Variants in CDK13 observed in about 807,000 individuals in gnomAD.
The protein encoded by CDK13 is cyclin-dependent kinase 13.
In CDK13, 40 loss-of-function variants were observed where a neutral mutation model predicts 137.6. The observed-to-expected ratio is 0.29, with a 90% CI of 0.23 to 0.38. The LOEUF is 0.38. CDK13 is among the 10% of genes least tolerant of loss of function. CDK13 has a pLI of 1.00. For synonymous variants in CDK13, 869 were observed against 760.1 expected (o/e 1.14, Z -2.36); for missense variants, 1,704 against 1,951.8 (o/e 0.87, Z 2.39).
At position 40,098,953 on chromosome 7, in the gene CDK13, G is replaced by C. The variant is rs1787094246; in HGVS notation, c.*3973G>C. The C allele has an allele frequency of 6.6e-6, 1 of 151,908 alleles. No homozygotes were observed. The highest frequency in any genetic ancestry group is 2.1e-4 in the South Asian group (1 of 4,826). The allele number at this position is 151,908 out of a possible 1,614,324, so 9.4% of individuals were successfully genotyped here. On this transcript the variant is annotated 3_prime_UTR_variant, in exon 14 of 14. Coordinates refer to ENST00000181839, the MANE Select transcript of CDK13 (RefSeq NM_003718.5). ...GATAATCTTTGAAAAGGCAAGTCCT[G>C]TATGTATTTTTCATTTGTTGAAAGA...
At chr7:40,043,198 T>C (rs924284676) in intron 5 of CDK13, among the ~76,000 whole-genome samples, 2 of 152,242 alleles carry the variant, frequency 1.3e-5, no homozygotes, top group African/African-American at 4.8e-5. Context: ...ACTGTCCACC[T>C]CCTTGTGGGA....
chr7:39,950,820 T>A lies in CDK13; in HGVS notation c.179T>A (p.Phe60Tyr). The change falls in exon 1 of 14, where the codon TTC becomes TAC. Residue 60 changes from phenylalanine to tyrosine, a missense_variant. Phe to Tyr is a conservative substitution (Grantham distance 22). This residue lies in a region of CDK13 where 1,051 missense variants were observed against 931.0 expected (regional missense o/e 1.13). Transcript: ENST00000181839. Reference sequence around the variant, plus strand: ...CCGCCGCCCCCGCCGCCTCTGCTCTTCCTGGCTGCTCCCGGCACGGCCGCC... The same window carrying A: ...CCGCCGCCCCCGCCGCCTCTGCTCTACCTGGCTGCTCCCGGCACGGCCGCC... ...QPPPPPPPLL[F>Y]LAAPGTAAAA... The A allele has an allele frequency of 1.4e-6, 2 of 1,423,204 alleles. No individual in the cohort carries two copies. The highest frequency in any genetic ancestry group is 3.1e-5 in the Admixed American group (1 of 31,832). The allele number at this position is 1,423,204 out of a possible 1,614,324, so 88.2% of individuals were successfully genotyped here.
At chr7:39,984,159 G>C (rs148578610) in intron 1 of CDK13, 1 of 152,232 alleles carries the variant, frequency 6.6e-6, no homozygotes. Flanking sequence ...GGTGGCTCAT[G>C]CCTGTAATCC....
chr7:40,063,202 G>A, intron 9 of CDK13, 102 bp downstream of exon 9: 1 of 850,346 alleles, frequency 1.2e-6, no homozygotes, highest in Non-Finnish European at 1.9e-6. Flanking sequence ...AGAACAACAT[G>A]GTTCTCTGGA....
chr7:40,089,191 T>C (rs2150544934), intron 12 of CDK13, among the ~76,000 whole-genome samples: 1 of 152,094 alleles, frequency 6.6e-6, no homozygotes, highest in Non-Finnish European at 1.5e-5. Flanking sequence ...TCCCAGCTCT[T>C]TGGGAGGCCA....
At chr7:40,069,152 G>A (rs1054092000) in intron 9 of CDK13, among the ~76,000 whole-genome samples, 3 of 152,174 alleles carry the variant, frequency 2.0e-5, no homozygotes, top group African/African-American at 4.8e-5. Context: ...AGGATCACCC[G>A]AACCCAAGGG....
At chr7:40,016,943 G>T (rs1300953061) in intron 5 of CDK13, among the ~76,000 whole-genome samples, 1 of 152,070 alleles carries the variant, frequency 6.6e-6, no homozygotes, top group Admixed American at 6.5e-5. Flanking sequence ...ATGGGAATAT[G>T]CATATGTAGC....
In CDK13 at chr7:40,031,813, T is replaced by TTTATTA. The variant is rs1158191706; in HGVS notation, c.2354-14014_2354-14009dup. Among the ~76,000 whole-genome samples the TTTATTA allele has an allele frequency of 3.8e-5, 5 of 132,996 alleles. No individual in the cohort carries two copies. In the South Asian group the frequency reaches 7.6e-4, roughly 20 times the overall value. The allele number at this position is 132,996 out of a possible 152,430, so 87.3% of individuals were successfully genotyped here. Reference sequence around the variant, plus strand: ...GGCACTCACCACCAAGCTCGGCTAATTTATTATTATTATTGTTATTATTAT... The same window carrying TTTATTA: ...GGCACTCACCACCAAGCTCGGCTAATTTATTATTATTATTATTATTGTTATTATTAT... On this transcript the variant is annotated intron_variant, in intron 5 of 13. Coordinates refer to ENST00000181839, the MANE Select transcript of CDK13 (RefSeq NM_003718.5).
At chr7:39,969,232 G>A (rs572936880) in intron 1 of CDK13, among the ~76,000 whole-genome samples, 9 of 152,172 alleles carry the variant, frequency 5.9e-5, no homozygotes, top group African/African-American at 9.6e-5. Context: ...AGCTGGTCTC[G>A]AACTCCTCAC....
chr7:40,047,266 A>C (rs17496526), intron 6 of CDK13, among the ~76,000 whole-genome samples: 4,417 of 152,246 alleles, frequency 0.029, 215 homozygotes, highest in African/African-American at 0.1. Flanking sequence ...AAATAAGCTT[A>C]GATTTGTAAC....
chr7:39,983,966 C>G (rs1423013789), intron 1 of CDK13: 1 of 152,066 alleles, frequency 6.6e-6, no homozygotes, highest in Non-Finnish European at 1.5e-5. Context: ...AATACTGAAC[C>G]TTAGTTGACC....
At chr7:39,964,537 G>A (rs1330035061) in intron 1 of CDK13, among the ~76,000 whole-genome samples, 1 of 150,516 alleles carries the variant, frequency 6.6e-6, no homozygotes, top group South Asian at 2.1e-4. Context: ...CTTGCTAGCG[G>A]TCTGTCAATT....
In CDK13 at chr7:40,078,710, C is replaced by T; in HGVS notation, c.2898-10C>T. The T allele has an allele frequency of 2.7e-6, 4 of 1,474,188 alleles. No homozygotes were observed. The highest frequency in any genetic ancestry group is 3.6e-6 in the Non-Finnish European group (4 of 1,107,598). The allele number at this position is 1,474,188 out of a possible 1,614,324, so 91.3% of individuals were successfully genotyped here. A position where few individuals can be genotyped will look rare whatever the true frequency, so the allele number is the denominator to read the frequency against. On this transcript the variant is annotated splice_polypyrimidine_tract_variant and intron_variant, in intron 10 of 13. Coordinates refer to ENST00000181839, the MANE Select transcript of CDK13 (RefSeq NM_003718.5). Reference sequence around the variant, plus strand: ...GAACACATCTAACTTTTGTAATCCTCTCATGCTAGTATTCCTGCAGCTGCG... The same window carrying T: ...GAACACATCTAACTTTTGTAATCCTTTCATGCTAGTATTCCTGCAGCTGCG...
At chr7:40,034,159 GTTT>G (rs1015551113) in intron 5 of CDK13, among the ~76,000 whole-genome samples, 1 of 152,144 alleles carries the variant, frequency 6.6e-6, no homozygotes, top group African/African-American at 2.4e-5. Flanking sequence ...TCCTGCTGTA[GTTT>G]TTAATTAAAA....
chr7:40,065,305 T>C (rs927729020), intron 9 of CDK13, among the ~76,000 whole-genome samples: 4 of 152,046 alleles, frequency 2.6e-5, no homozygotes, highest in African/African-American at 9.7e-5. Flanking sequence ...CTCTTAACTA[T>C]CTAAAAATTT....
In CDK13 at chr7:39,950,444, G is replaced by C; in HGVS notation, c.-198G>C. 1 of 1,234,848 alleles carries C rather than the reference G, an allele frequency of 8.1e-7. No homozygotes were observed. Among genetic ancestry groups the C allele is most frequent in the African/African-American group, 1.6e-5 (1 of 64,454 alleles). 76.5% of individuals were successfully genotyped at this position (1,234,848 alleles called of 1,614,324 possible). A position where few individuals can be genotyped will look rare whatever the true frequency, so the allele number is the denominator to read the frequency against. On this transcript the variant is annotated 5_prime_UTR_variant, in exon 1 of 14. Coordinates refer to ENST00000181839, the MANE Select transcript of CDK13 (RefSeq NM_003718.5). ...CCGGATTCCTGCTTCCCTGGGGCCC[G>C]GAGGCTGCTGCGTACCCCACTGTGA...
At chr7:40,071,666 T>G (rs1319074452) in intron 9 of CDK13, 1 of 152,242 alleles carries the variant, frequency 6.6e-6, no homozygotes, top group Non-Finnish European at 1.5e-5. Flanking sequence ...GAACAGATCT[T>G]CCAAATGTAA....
Position 39,951,529 on chromosome 7 carries a change from G to A in CDK13, c.888G>A (p.Pro296=), listed in dbSNP as rs1270814670. The A allele has an allele frequency of 1.3e-6, 2 of 1,534,492 alleles. No homozygotes were observed. The highest frequency in any genetic ancestry group is 1.8e-6 in the Non-Finnish European group (2 of 1,142,708). ...AGCCGCCTTCGGCCTACAAGGAACC[G>A]CCCAAGGCCTACCGGGAGGACAAGA... ...SKEPPSAYKE[P]PKAYREDKTE... is the part of the protein sequence containing the mutation. Residue 296 remains proline (P), a synonymous_variant, in exon 1 of 14, where the codon CCG becomes CCA. Coordinates refer to ENST00000181839, the MANE Select transcript of CDK13 (RefSeq NM_003718.5).
intron 5 of CDK13, among the ~76,000 whole-genome samples, chr7:40,014,817 G>A (rs569327472): frequency 7.9e-5 from 12 of 152,108 alleles, no homozygotes; most frequent in East Asian, 3.9e-4. Context: ...TTTAACTAGG[G>A]TATTAGTGTT....
Sources: gnomAD v4.1 joint callset for allele counts (sites outside exome capture counted in the v4.1 genomes callset) on GRCh38, gnomAD v4.1.1 for gene constraint, gnomAD v4.1.1 regional missense constraint, MANE v1.5 for transcripts, NCBI Gene and HGNC (gene_info 2026-07-23, HGNC 2026-07-21) for gene names.